FMN1: variants seen among roughly 807,000 people sequenced by gnomAD.
The protein encoded by FMN1 is formin 1.
In FMN1, 110 loss-of-function variants were observed where a neutral mutation model predicts 132.4. The ratio of observed to expected loss-of-function variants is 0.83; its 90% confidence interval spans 0.71 to 0.97. The LOEUF (loss-of-function observed/expected upper bound fraction) is 0.97, where lower values mean the gene tolerates loss of function less well. Ranked by LOEUF, FMN1 falls within the 50% of genes least tolerant of loss-of-function variation. FMN1 has a pLI of 0.00. For synonymous variants in FMN1, 722 were observed against 651.7 expected (o/e 1.11, Z -1.64); for missense variants, 1,792 against 1,705.3 (o/e 1.05, Z -0.90).
chr15:33,008,573 C>G (rs140754918), intron 6 of FMN1, among the ~76,000 whole-genome samples: 128 of 152,236 alleles, frequency 8.4e-4, no homozygotes, highest in African/African-American at 2.9e-3. Flanking sequence ...ATCTTTATCT[C>G]AGAAAGTCAA....
Position 32,898,860 on chromosome 15 carries a change from TAAC to T in FMN1, c.3685_3687del (p.Val1229del), listed in dbSNP as rs1317108902. 1 of 1,603,132 alleles carries T rather than the reference TAAC, an allele frequency of 6.2e-7. No homozygotes were observed. Among genetic ancestry groups the T allele is most frequent in the Non-Finnish European group, 8.5e-7 (1 of 1,171,204 alleles). On this transcript the variant is annotated inframe_deletion, in exon 15 of 21. Coordinates refer to ENST00000616417, the MANE Select transcript of FMN1 (RefSeq NM_001277313.2). ...TGATCATAGTAACGCAGGTAATACT[TAAC>T]AACGTAGTCCACCAGATTAATCCCA...
intron 4 of FMN1, among the ~76,000 whole-genome samples, chr15:33,134,710 A>G (rs138222561): frequency 1.4e-4 from 22 of 152,342 alleles, no homozygotes; most frequent in African/African-American, 4.6e-4. Context: ...TGAAAAATTT[A>G]AAAATGGAAG....
chr15:33,078,924 A>C (rs1387112981), intron 5 of FMN1, among the ~76,000 whole-genome samples: 3 of 152,218 alleles, frequency 2.0e-5, no homozygotes, highest in Non-Finnish European at 4.4e-5. Context: ...GTGAATGCAG[A>C]CAGAACCTTA....
chr15:33,010,600 GAA>G (rs1204970018), intron 6 of FMN1, among the ~76,000 whole-genome samples: 1 of 151,918 alleles, frequency 6.6e-6, no homozygotes. Flanking sequence ...TAATGGATGA[GAA>G]AAAAGACACA....
At position 32,999,725 on chromosome 15, in the gene FMN1, C is replaced by A. The variant is rs547440612; in HGVS notation, c.2223+8289G>T. On this transcript the variant is annotated intron_variant, in intron 7 of 20. Transcript: ENST00000616417. Reference sequence around the variant, plus strand: ...GTTCTTTGTCTTGCATCCCACAACCCAAAGAACATTAGTTAAAAACAGATA... The same window carrying A: ...GTTCTTTGTCTTGCATCCCACAACCAAAAGAACATTAGTTAAAAACAGATA... Among the ~76,000 whole-genome samples the A allele has an allele frequency of 1.7e-3, 255 of 152,270 alleles. 1 individual carries two copies. Among genetic ancestry groups the A allele is most frequent in the African/African-American group, 5.9e-3 (244 of 41,560 alleles).
At chr15:32,875,144 T>C (rs890079260) in intron 16 of FMN1, among the ~76,000 whole-genome samples, 4 of 152,136 alleles carry the variant, frequency 2.6e-5, no homozygotes, top group African/African-American at 4.8e-5. Flanking sequence ...TGGCCAAGGG[T>C]GTCTTAGCCC....
intron 19 of FMN1, among the ~76,000 whole-genome samples, chr15:32,783,413 G>A (rs1310306458): frequency 6.6e-6 from 1 of 152,112 alleles, no homozygotes; most frequent in African/African-American, 2.4e-5. Context: ...AGTGAGTCAT[G>A]TCCTCTGATG....
At chr15:33,111,237 AAACTT>A (rs2039690961) in intron 4 of FMN1, among the ~76,000 whole-genome samples, 1 of 152,172 alleles carries the variant, frequency 6.6e-6, no homozygotes, top group Non-Finnish European at 1.5e-5. Context: ...AAAAATAAAA[AAACTT>A]AAAGGATCCT....
chr15:33,048,644 A>AAAAAC (rs1555388958), intron 6 of FMN1, among the ~76,000 whole-genome samples: 1 of 86,916 alleles, frequency 1.2e-5, no homozygotes, highest in Admixed American at 1.6e-4. Flanking sequence ...AAAAAAAAAA[A>AAAAAC]AAAAACCAAC....
intron 7 of FMN1, among the ~76,000 whole-genome samples, chr15:32,999,409 G>T (rs1445451306): frequency 6.6e-6 from 1 of 152,232 alleles, no homozygotes; most frequent in Non-Finnish European, 1.5e-5. Flanking sequence ...AGTGGAATGT[G>T]TTGGCCACAG....
intron 16 of FMN1, among the ~76,000 whole-genome samples, chr15:32,871,000 G>C (rs566569130): frequency 3.9e-5 from 6 of 152,160 alleles, no homozygotes; most frequent in African/African-American, 1.4e-4. Context: ...AGGTAGGAAA[G>C]TTGTGTTAAC....
chr15:33,105,777 T>G (rs575897558), intron 4 of FMN1: 23 of 151,786 alleles, frequency 1.5e-4, no homozygotes, highest in African/African-American at 5.5e-4. Context: ...TATCCATTGA[T>G]TCATAAGGTT....
chr15:33,077,520 T>C (rs7171647), intron 5 of FMN1, among the ~76,000 whole-genome samples: 95,575 of 151,180 alleles, frequency 0.63, 30,799 homozygotes, highest in East Asian at 0.84. Context: ...CCCCTTCCCC[T>C]GACTCCACAA....
At chr15:32,983,851 G>A (rs1164897954) in intron 7 of FMN1, among the ~76,000 whole-genome samples, 1 of 152,182 alleles carries the variant, frequency 6.6e-6, no homozygotes, top group African/African-American at 2.4e-5. Context: ...TCTCTGTCGA[G>A]GTGAATTCAG....
At chr15:33,006,672 A>G (rs2034434778) in intron 7 of FMN1, among the ~76,000 whole-genome samples, 1 of 152,214 alleles carries the variant, frequency 6.6e-6, no homozygotes, top group South Asian at 2.1e-4. Context: ...GTTAAAAAAA[A>G]TGTGGTTTAT....
At position 32,773,135 on chromosome 15, in the gene FMN1, C is replaced by T. The variant is rs1473708030; in HGVS notation, c.*1175G>A. 1 of 152,214 alleles carries T rather than the reference C, an allele frequency of 6.6e-6. No homozygotes were observed. The highest frequency in any genetic ancestry group is 1.5e-5 in the Non-Finnish European group (1 of 68,054). 9.4% of individuals were successfully genotyped at this position (152,214 alleles called of 1,614,324 possible). ...GGTCAAAGGTGGTTTCCTTATGTGA[C>T]TCAAGAGCCAGGGTCAGAAAGAGCT... On this transcript the variant is annotated 3_prime_UTR_variant, in exon 21 of 21. Coordinates refer to ENST00000616417, the MANE Select transcript of FMN1 (RefSeq NM_001277313.2).
intron 16 of FMN1, among the ~76,000 whole-genome samples, chr15:32,862,617 A>G (rs571761880): frequency 4.6e-5 from 7 of 152,364 alleles, no homozygotes; most frequent in Admixed American, 3.3e-4. Flanking sequence ...GAACAAGGGA[A>G]TAAAGCTTAT....
chr15:32,919,938 T>A (rs776834372), intron 10 of FMN1, among the ~76,000 whole-genome samples: 1 of 152,206 alleles, frequency 6.6e-6, no homozygotes, highest in Non-Finnish European at 1.5e-5. Flanking sequence ...TTTGTACACT[T>A]TGAACTGAGA....
chr15:33,150,828 C>G, intron 4 of FMN1: 4 of 987,840 alleles, frequency 4.0e-6, no homozygotes, highest in Non-Finnish European at 4.8e-6. Flanking sequence ...TAAACTTAAT[C>G]TGGTTAATAG....
Sources: allele counts gnomAD v4.1 joint callset (sites outside exome capture counted in the v4.1 genomes callset), GRCh38; gene constraint gnomAD v4.1.1; transcripts MANE v1.5; gene names NCBI Gene and HGNC (gene_info 2026-07-23, HGNC 2026-07-21).